Variants in ADD3 observed in about 807,000 individuals in gnomAD.
The protein encoded by ADD3 is gamma-adducin.
ADD3 carries 25 observed loss-of-function variants against 80.2 expected under a neutral mutation model. That is an observed-to-expected ratio of 0.31 (90% CI 0.23 to 0.44). The LOEUF (loss-of-function observed/expected upper bound fraction) is 0.44. ADD3 is among the 20% of genes least tolerant of loss of function. The probability of loss-of-function intolerance (pLI) is 1.00; values close to 1 mark genes in which losing one functional copy is unlikely to be tolerated. For missense variants in ADD3, 829 were observed against 847.5 expected (o/e 0.98, Z 0.27); for synonymous variants, 284 against 289.6 (o/e 0.98, Z 0.20).
chr10:110,009,288 C>T (rs540674790), intron 1 of ADD3, among the ~76,000 whole-genome samples: 1 of 152,226 alleles, frequency 6.6e-6, no homozygotes, highest in South Asian at 2.1e-4. Context: ...CACGTGCGTG[C>T]AAGTTTACGT....
chr10:110,062,137 C>T (rs944803996), intron 1 of ADD3, among the ~76,000 whole-genome samples: 13 of 133,698 alleles, frequency 9.7e-5, no homozygotes, highest in Non-Finnish European at 1.6e-4. Flanking sequence ...CCGAGGCAGG[C>T]GTATCACCTG....
At chr10:110,027,463 A>G (rs1433845013) in intron 1 of ADD3, among the ~76,000 whole-genome samples, 1 of 152,254 alleles carries the variant, frequency 6.6e-6, no homozygotes, top group African/African-American at 2.4e-5. Context: ...ACGGGCGGGA[A>G]ATTAGTTTCA....
At chr10:110,081,856 A>G (rs1372504580) in intron 1 of ADD3, among the ~76,000 whole-genome samples, 2 of 152,236 alleles carry the variant, frequency 1.3e-5, no homozygotes, top group Admixed American at 6.5e-5. Context: ...ATAGTTAGAA[A>G]TATACAGGAT....
intron 14 of ADD3, 166 bp downstream of exon 14, chr10:110,132,566 G>A (rs558663479): frequency 6.5e-5 from 37 of 569,398 alleles, no homozygotes; most frequent in African/African-American, 3.8e-4. Context: ...AAAATGGGGC[G>A]CTACTTTTGT....
intron 1 of ADD3, among the ~76,000 whole-genome samples, chr10:110,039,064 T>C (rs1402624832): frequency 6.6e-6 from 1 of 152,214 alleles, no homozygotes; most frequent in Non-Finnish European, 1.5e-5. Flanking sequence ...TTTTAACTTT[T>C]CAGAAACTCT....
intron 1 of ADD3, among the ~76,000 whole-genome samples, chr10:110,027,483 A>G (rs1854450643): frequency 6.6e-6 from 1 of 152,230 alleles, no homozygotes; most frequent in South Asian, 2.1e-4. Context: ...AATATATTTG[A>G]TTTAACCTAA....
At position 110,122,171 on chromosome 10, in the gene ADD3, A is replaced by G; in HGVS notation, c.1022A>G (p.Tyr341Cys). The change falls in exon 9 of 15, where the codon TAT (tyrosine) becomes TGT (cysteine). Residue 341 changes from tyrosine to cysteine, a missense_variant. Tyr to Cys is a radical substitution (Grantham distance 194, BLOSUM62 -2). Transcript: ENST00000356080. ...CTCCATGTACTGGACTTTCAGAAGT[A>G]TAAAGCTTTCACTTACACTGTAGCA... ...DNLHVLDFQK[Y>C]KAFTYTVAAS... The G allele has an allele frequency of 6.2e-7, 1 of 1,614,184 alleles. No individual in the cohort carries two copies. The highest frequency in any genetic ancestry group is 8.5e-7 in the Non-Finnish European group (1 of 1,179,998).
chr10:110,058,016 AC>A (rs1306247928), intron 1 of ADD3, among the ~76,000 whole-genome samples: 5 of 152,210 alleles, frequency 3.3e-5, no homozygotes, highest in Non-Finnish European at 5.9e-5. Flanking sequence ...ATTTAAAATA[AC>A]CCACAGGGAC....
chr10:110,011,907 A>C (rs1185855950), intron 1 of ADD3, among the ~76,000 whole-genome samples: 1 of 152,220 alleles, frequency 6.6e-6, no homozygotes, highest in East Asian at 1.9e-4. Flanking sequence ...CCAAATGCCA[A>C]GACAGTCTCA....
chr10:110,026,525 C>G (rs1272262749), intron 1 of ADD3, among the ~76,000 whole-genome samples: 2 of 152,096 alleles, frequency 1.3e-5, no homozygotes, highest in African/African-American at 2.4e-5. Flanking sequence ...GGTGATCCGC[C>G]CACCTCGGCC....
intron 1 of ADD3, among the ~76,000 whole-genome samples, chr10:110,035,978 C>T (rs188295617): frequency 3.3e-5 from 5 of 152,128 alleles, no homozygotes; most frequent in Admixed American, 2.6e-4. Flanking sequence ...TGATGAAACT[C>T]GTCTCTACTA....
rs539461351 is a variant in ADD3, at chr10:110,076,464, C to G, written c.-29-24161C>G. On this transcript the variant is annotated intron_variant, in intron 1 of 14. Transcript: ENST00000356080. ...ACATTTCAATATTCTACCAGAGCAA[C>G]TCCATAAATTCAAAATAAATCTTAT... Among the ~76,000 whole-genome samples the G allele has an allele frequency of 7.9e-4, 121 of 152,206 alleles. 1 individual carries two copies. Among genetic ancestry groups the G allele is most frequent in the African/African-American group, 2.8e-3 (117 of 41,520 alleles).
chr10:110,075,704 C>T (rs925409422), intron 1 of ADD3: 5 of 152,128 alleles, frequency 3.3e-5, no homozygotes, highest in Admixed American at 2.0e-4. Flanking sequence ...CTATAATAAC[C>T]AACTGGTAAC....
At chr10:110,108,267 T>A (rs1339000223) in intron 2 of ADD3, among the ~76,000 whole-genome samples, 3 of 152,196 alleles carry the variant, frequency 2.0e-5, no homozygotes, top group African/African-American at 4.8e-5. Flanking sequence ...CATTGCAGTC[T>A]AATGCTCTAA....
chr10:110,126,517 G>C lies in ADD3; in HGVS notation c.1608+14G>C, dbSNP rs375979817. ...AAGCCACCTTCTGTAAGTTTATGAAGTAGTATGATCTTTGTTTTTTATTTA... is the reference window on the plus strand; with the variant it reads ...AAGCCACCTTCTGTAAGTTTATGAACTAGTATGATCTTTGTTTTTTATTTA... On this transcript the variant is annotated intron_variant, in intron 12 of 14. Coordinates refer to ENST00000356080, the MANE Select transcript of ADD3 (RefSeq NM_016824.5). 3.5e-5 allele frequency: 55 copies of C among 1,577,276 alleles called. No individual in the cohort carries two copies. The highest frequency in any genetic ancestry group is 3.5e-5 in the Non-Finnish European group (40 of 1,148,744).
At chr10:110,087,988 T>C (rs1419039043) in intron 1 of ADD3, among the ~76,000 whole-genome samples, 7 of 152,172 alleles carry the variant, frequency 4.6e-5, no homozygotes, top group Admixed American at 4.6e-4. Context: ...CCCAGCTTGG[T>C]CCCTAGGCTT....
intron 1 of ADD3, among the ~76,000 whole-genome samples, chr10:110,071,555 A>G (rs1226124237): frequency 6.6e-6 from 1 of 152,198 alleles, no homozygotes; most frequent in Non-Finnish European, 1.5e-5. Context: ...AACAGAAATT[A>G]TTCATGATTG....
intron 1 of ADD3, among the ~76,000 whole-genome samples, chr10:110,078,391 G>C (rs1460188595): frequency 6.6e-6 from 1 of 152,216 alleles, no homozygotes; most frequent in Non-Finnish European, 1.5e-5. Context: ...AGAGAAAAAT[G>C]TTTGGATGTT....
chr10:110,100,815 G>A lies in ADD3; in HGVS notation c.162G>A (p.Gln54=), dbSNP rs372253017. 6.8e-6 allele frequency: 11 copies of A among 1,610,904 alleles called. No individual in the cohort carries two copies. The highest frequency in any genetic ancestry group is 8.5e-6 in the Non-Finnish European group (10 of 1,178,814). The part of the protein sequence containing the change: ...DLRQDFNMME[Q]RKRVTQILQS... ...GACAAGACTTCAACATGATGGAGCA[G>A]AGGAAACGAGTTACTCAGATCCTGC... Residue 54 remains glutamine (Q), a synonymous_variant, in exon 2 of 15, where the codon CAG becomes CAA. Coordinates refer to ENST00000356080, the MANE Select transcript of ADD3 (RefSeq NM_016824.5).
Sources: allele counts gnomAD v4.1 joint callset (sites outside exome capture counted in the v4.1 genomes callset), GRCh38; gene constraint gnomAD v4.1.1; transcripts MANE v1.5; gene names NCBI Gene and HGNC (gene_info 2026-07-23, HGNC 2026-07-21).